ITPR1: variants seen among roughly 807,000 people sequenced by gnomAD.
ITPR1 encodes the protein inositol 1,4,5-trisphosphate-gated calcium channel ITPR1.
Under a neutral mutation model 318.4 loss-of-function variants are expected in ITPR1, and 96 were observed. The ratio of observed to expected loss-of-function variants is 0.30; its 90% confidence interval spans 0.26 to 0.36. The LOEUF (loss-of-function observed/expected upper bound fraction) is 0.36. ITPR1 is among the 10% of genes least tolerant of loss of function. ITPR1 has a pLI of 1.00. For missense variants in ITPR1, 2,440 were observed against 3,460.2 expected (o/e 0.71, Z 7.40); for synonymous variants, 1,312 against 1,289.9 (o/e 1.02, Z -0.37).
chr3:4,551,310 C>T (rs796265363), intron 4 of ITPR1, among the ~76,000 whole-genome samples: 5 of 152,220 alleles, frequency 3.3e-5, no homozygotes, highest in African/African-American at 9.6e-5. Context: ...GCAGTATCAC[C>T]GTATTTATGG....
At chr3:4,535,028 G>T (rs78696619) in intron 4 of ITPR1, among the ~76,000 whole-genome samples, 1 of 151,778 alleles carries the variant, frequency 6.6e-6, no homozygotes, top group African/African-American at 2.4e-5. Flanking sequence ...CCAGCTAATC[G>T]GTTTTCTAAA....
chr3:4,620,052 C>G (rs2639803), intron 4 of ITPR1, among the ~76,000 whole-genome samples: 148,047 of 151,996 alleles, frequency 0.97, 72,196 homozygotes, highest in East Asian at 1. Flanking sequence ...TTTCCTATTT[C>G]AAAAGGTAAA....
At chr3:4,644,965 A>G (rs1008683847) in intron 8 of ITPR1, among the ~76,000 whole-genome samples, 1 of 152,234 alleles carries the variant, frequency 6.6e-6, no homozygotes, top group African/African-American at 2.4e-5. Flanking sequence ...TGCACAAACA[A>G]TGGCTGCTGT....
chr3:4,811,514 T>A, intron 56 of ITPR1, 54 bp downstream of exon 56: 1 of 1,428,092 alleles, frequency 7.0e-7, no homozygotes, highest in South Asian at 1.2e-5. Flanking sequence ...TTCCTGATTA[T>A]AACTGAACTA....
Position 4,711,855 on chromosome 3 carries a change from G to T in ITPR1, c.5090G>T (p.Gly1697Val). ...TLREMMTKDR[G>V]YGEKLISIDE... ...AGGGAAATGATGACCAAAGATAGAG[G>T]CTATGGAGAAAAGGTACTGCATTTT... Residue 1697 changes from glycine (G) to valine (V), a missense_variant, in exon 39 of 62, where the codon GGC (glycine) becomes GTC (valine). By Grantham distance (109) the Gly-to-Val change is moderately radical. This residue lies in a region of ITPR1 where 166 missense variants were observed against 143.7 expected (regional missense o/e 1.16). Transcript: ENST00000649015. 1.3e-6 allele frequency: 2 copies of T among 1,501,536 alleles called. No individual in the cohort carries two copies. The highest frequency in any genetic ancestry group is 1.8e-6 in the Non-Finnish European group (2 of 1,109,704). The allele number at this position is 1,501,536 out of a possible 1,614,324, so 93.0% of individuals were successfully genotyped here. A position where few individuals can be genotyped will look rare whatever the true frequency, so the allele number is the denominator to read the frequency against.
chr3:4,581,446 T>C (rs1417502309), intron 4 of ITPR1, among the ~76,000 whole-genome samples: 1 of 152,202 alleles, frequency 6.6e-6, no homozygotes, highest in Non-Finnish European at 1.5e-5. Context: ...TTACATCAGT[T>C]TTAGGTGGGT....
At chr3:4,632,108 C>T (rs1432428771) in intron 5 of ITPR1, among the ~76,000 whole-genome samples, 1 of 152,226 alleles carries the variant, frequency 6.6e-6, no homozygotes, top group Non-Finnish European at 1.5e-5. Flanking sequence ...CTCTTCCAGT[C>T]ACTGCAGCAA....
At chr3:4,530,065 C>T (rs749980732) in intron 4 of ITPR1, among the ~76,000 whole-genome samples, 39 of 152,134 alleles carry the variant, frequency 2.6e-4, no homozygotes, top group Admixed American at 1.8e-3. Flanking sequence ...CAAAAATTAC[C>T]CGATTTCTTA....
intron 4 of ITPR1, among the ~76,000 whole-genome samples, chr3:4,542,555 T>A (rs1261515440): frequency 6.6e-6 from 1 of 152,208 alleles, no homozygotes; most frequent in Non-Finnish European, 1.5e-5. Flanking sequence ...TTATCTTGAC[T>A]TTGGCTCTAG....
At chr3:4,689,466 G>A (rs1423519184) in intron 31 of ITPR1, among the ~76,000 whole-genome samples, 1 of 152,210 alleles carries the variant, frequency 6.6e-6, no homozygotes, top group Non-Finnish European at 1.5e-5. Context: ...GATGCTCAAA[G>A]CAAACACTCA....
intron 4 of ITPR1, among the ~76,000 whole-genome samples, chr3:4,545,076 G>A (rs555740628): frequency 6.6e-5 from 10 of 152,214 alleles, no homozygotes; most frequent in African/African-American, 2.4e-4. Context: ...GATTACAGGT[G>A]TGAGCCACTG....
chr3:4,795,225 C>A (rs762101640), intron 53 of ITPR1, 38 bp downstream of exon 53: 9 of 1,599,046 alleles, frequency 5.6e-6, no homozygotes, highest in South Asian at 2.3e-5. Context: ...CTATTAGAAG[C>A]AGCAGGAAGG....
chr3:4,574,484 C>T (rs1371563620), intron 4 of ITPR1, among the ~76,000 whole-genome samples: 1 of 152,192 alleles, frequency 6.6e-6, no homozygotes, highest in Admixed American at 6.5e-5. Context: ...CTCTTACTCT[C>T]CTTGTAAAAT....
At position 4,787,931 on chromosome 3, in the gene ITPR1, C is replaced by T; in HGVS notation, c.6616-16C>T. On this transcript the variant is annotated splice_polypyrimidine_tract_variant and intron_variant, in intron 51 of 61. Transcript: ENST00000649015. The stretch of plus-strand genomic sequence containing the variant: ...TCAAAGATGAATATTTAATCTCATC[C>T]ACTTTTTCATCCTAGATTGTCAGAT... 1 of 1,580,260 alleles carries T rather than the reference C, an allele frequency of 6.3e-7. No homozygotes were observed. The highest frequency in any genetic ancestry group is 8.6e-7 in the Non-Finnish European group (1 of 1,156,436).
intron 4 of ITPR1, among the ~76,000 whole-genome samples, chr3:4,538,390 G>A (rs980731184): frequency 4.6e-5 from 7 of 152,112 alleles, no homozygotes; most frequent in African/African-American, 1.7e-4. Context: ...TAAAAAGTCA[G>A]GAACAACAGA....
intron 34 of ITPR1, among the ~76,000 whole-genome samples, chr3:4,698,558 G>T (rs1306558367): frequency 2.0e-5 from 3 of 152,072 alleles, no homozygotes; most frequent in Admixed American, 6.6e-5. Context: ...TGACTACTCA[G>T]TTCTGCCCTT....
At chr3:4,634,418 C>A (rs1354072681) in intron 5 of ITPR1, among the ~76,000 whole-genome samples, 2 of 151,856 alleles carry the variant, frequency 1.3e-5, no homozygotes, top group Non-Finnish European at 2.9e-5. Context: ...TGCCACATTG[C>A]CCAGGCTGGT....
rs189679926 is a variant in ITPR1 at position 4,776,746 on chromosome 3, A to G, written c.6181-518A>G. On this transcript the variant is annotated intron_variant, in intron 47 of 61. Transcript: ENST00000649015. ...CCTCAAGTTTGCTTCTCTGCCAAAT[A>G]GGGGCCTGTTGAAAGGAACAGATCA... 6.6e-4 allele frequency among the ~76,000 whole-genome samples: 100 copies of G among 152,356 alleles called. 2 individuals carry two copies. Among genetic ancestry groups the G allele is most frequent in the Non-Finnish European group, 1.8e-4 (12 of 68,030 alleles).
At chr3:4,511,615 T>C (rs1180422901) in intron 2 of ITPR1, among the ~76,000 whole-genome samples, 2 of 152,232 alleles carry the variant, frequency 1.3e-5, no homozygotes, top group African/African-American at 2.4e-5. Context: ...CTGAACCTTA[T>C]GTCAGCTTGC....
Sources: gnomAD v4.1 joint callset for allele counts (sites outside exome capture counted in the v4.1 genomes callset) on GRCh38, gnomAD v4.1.1 for gene constraint, gnomAD v4.1.1 regional missense constraint, MANE v1.5 for transcripts, NCBI Gene and HGNC (gene_info 2026-07-23, HGNC 2026-07-21) for gene names.